TNRC18: variants seen among roughly 807,000 people sequenced by gnomAD.
TNRC18 encodes trinucleotide repeat containing 18.
A neutral mutation model predicts 226.7 loss-of-function variants in TNRC18; 69 were observed. That is an observed-to-expected ratio of 0.30 (90% CI 0.25 to 0.37). The LOEUF is 0.37. TNRC18 is among the 10% of genes least tolerant of loss of function. TNRC18 has a pLI of 1.00. For missense variants in TNRC18, 4,754 were observed against 4,256.6 expected (o/e 1.12, Z -3.25); for synonymous variants, 2,449 against 1,927.6 (o/e 1.27, Z -7.09).
intron 17 of TNRC18, among the ~76,000 whole-genome samples, chr7:5,349,684 A>G (rs925000515): frequency 2.0e-5 from 3 of 152,216 alleles, no homozygotes; most frequent in Admixed American, 1.3e-4. Context: ...TTGCGTCCAG[A>G]GTGCAGCGTG....
rs1788650021 is a variant in TNRC18 at position 5,324,096 on chromosome 7, T to A, written c.6442+118A>T. The stretch of plus-strand genomic sequence containing the variant: ...AACTCAGCCTCAGGATCTCTGCTCC[T>A]GTGGTTCCCTGCCCCCAGCTAGCCC... On this transcript the variant is annotated intron_variant, in intron 21 of 29. Coordinates refer to ENST00000430969, the MANE Select transcript of TNRC18 (RefSeq NM_001080495.3). This position sits in a 1 kb window ranked among gnomAD's most constrained non-coding sequence, Gnocchi z 4.8. 1.7e-6 allele frequency: 2 copies of A among 1,169,572 alleles called. No homozygotes were observed. The highest frequency in any genetic ancestry group is 1.5e-5 in the African/African-American group (1 of 64,792). 72.4% of individuals were successfully genotyped at this position (1,169,572 alleles called of 1,614,324 possible). A position where few individuals can be genotyped will look rare whatever the true frequency, so the allele number is the denominator to read the frequency against.
chr7:5,344,819 C>T (rs778258840), intron 18 of TNRC18, among the ~76,000 whole-genome samples: 11 of 152,128 alleles, frequency 7.2e-5, no homozygotes, highest in African/African-American at 1.9e-4. Context: ...GCACTCAGCC[C>T]GGTGAGAACA....
At chr7:5,325,075 C>T (rs1441585297) in intron 20 of TNRC18, 21 bp downstream of exon 20, 2 of 1,549,256 alleles carry the variant, frequency 1.3e-6, no homozygotes, top group Non-Finnish European at 1.7e-6. Context: ...CAGCCCCCAA[C>T]CAGGGCACGG....
At chr7:5,381,377 GT>G in intron 5 of TNRC18, among the ~76,000 whole-genome samples, 1 of 152,092 alleles carries the variant, frequency 6.6e-6, no homozygotes, top group South Asian at 2.1e-4. Context: ...TGTCACACTT[GT>G]CCCCTTCCCC....
chr7:5,364,620 A>G (rs931579358), intron 11 of TNRC18, among the ~76,000 whole-genome samples: 5 of 151,870 alleles, frequency 3.3e-5, no homozygotes, highest in African/African-American at 1.2e-4. Context: ...CCTAGCCAAC[A>G]TGGTAAAACC....
At position 5,315,960 on chromosome 7, in the gene TNRC18, T is replaced by C; in HGVS notation, c.6858A>G (p.Ile2286Met). The C allele has an allele frequency of 2.5e-6, 4 of 1,586,650 alleles. No individual in the cohort carries two copies. Among genetic ancestry groups the C allele is most frequent in the Non-Finnish European group, 3.4e-6 (4 of 1,168,564 alleles). ...HIRLLPPDYK[I>M]QCAEPSPALL... ...TGTCATGAGCTTGTCACTTACACTGTATCTTATAGTCAGGGGGCAGGAGGC... is the reference window on the plus strand; with the variant it reads ...TGTCATGAGCTTGTCACTTACACTGCATCTTATAGTCAGGGGGCAGGAGGC... Residue 2286 changes from isoleucine to methionine, a missense_variant, in exon 25 of 30, where the codon ATA becomes ATG. Transcript: ENST00000430969.
At chr7:5,362,869 C>A (rs1487967871) in intron 11 of TNRC18, 44 bp from the exon 12 acceptor site, 7 of 1,453,328 alleles carry the variant, frequency 4.8e-6, no homozygotes, top group Non-Finnish European at 5.4e-6. Flanking sequence ...GCCACCCCTT[C>A]CCCAACCCCA....
At chr7:5,395,937 C>G (rs1780649410) in intron 2 of TNRC18, among the ~76,000 whole-genome samples, 3 of 148,574 alleles carry the variant, frequency 2.0e-5, no homozygotes, top group Middle Eastern at 3.6e-3. Flanking sequence ...GCGGAGGTTG[C>G]AGTGAGCTGA....
In TNRC18 at chr7:5,374,291, G is replaced by A. The variant is rs1794427329; in HGVS notation, c.2993C>T (p.Ala998Val). ...KAVSPPPSPR[A>V]SPVAALKAKV... ...GGCCTTCAGGGCAGCCACAGGGGAT[G>A]CGCGGGGTGATGGTGGCGGGCTCAC... Residue 998 changes from alanine to valine, a missense_variant, in exon 10 of 30, where the codon GCA (alanine) becomes GTA (valine). Coordinates refer to ENST00000430969, the MANE Select transcript of TNRC18 (RefSeq NM_001080495.3). 6.8e-7 allele frequency: 1 copy of A among 1,466,596 alleles called. No homozygotes were observed. Among genetic ancestry groups the A allele is most frequent in the Non-Finnish European group, 9.0e-7 (1 of 1,112,008 alleles). The allele number at this position is 1,466,596 out of a possible 1,614,324, so 90.8% of individuals were successfully genotyped here. A position where few individuals can be genotyped will look rare whatever the true frequency, so the allele number is the denominator to read the frequency against.
chr7:5,402,990 G>A (rs1403402079), intron 2 of TNRC18, among the ~76,000 whole-genome samples: 6 of 151,980 alleles, frequency 3.9e-5, no homozygotes, highest in Non-Finnish European at 7.4e-5. Context: ...TGTCAACGGG[G>A]AGAGGGATTG....
intron 18 of TNRC18, 45 bp downstream of exon 18, chr7:5,345,517 G>GGGGCGGCCCCCC: frequency 2.6e-6 from 1 of 377,744 alleles, no homozygotes; most frequent in Non-Finnish European, 4.8e-6. Context: ...AATGGCGTCC[G>GGGGCGGCCCCCC]CCCCTCCCAC....
intron 1 of TNRC18, among the ~76,000 whole-genome samples, chr7:5,422,100 C>A (rs1029578772): frequency 3.3e-5 from 5 of 152,118 alleles, no homozygotes; most frequent in Non-Finnish European, 7.4e-5. Context: ...TGGTCCCCCC[C>A]CTTTCTCCCC....
intron 2 of TNRC18, among the ~76,000 whole-genome samples, chr7:5,417,775 C>T (rs1421516927): frequency 6.6e-6 from 1 of 152,166 alleles, no homozygotes; most frequent in Non-Finnish European, 1.5e-5. Context: ...CCTCCCTTGT[C>T]GCCTCTAACC....
chr7:5,323,568 G>GTTTTTTT (rs1554272402), intron 21 of TNRC18, among the ~76,000 whole-genome samples: 5,603 of 122,094 alleles, frequency 0.046, 623 homozygotes, highest in African/African-American at 0.15. Context: ...GCACCAGACA[G>GTTTTTTT]TTTTTTTTTT....
In TNRC18 at chr7:5,377,335, TC is replaced by T; in HGVS notation, c.2461+35del. On this transcript the variant is annotated intron_variant, in intron 7 of 29. Coordinates refer to ENST00000430969, the MANE Select transcript of TNRC18 (RefSeq NM_001080495.3). The surrounding 1 kb of genome is among the most constrained non-coding windows in gnomAD (Gnocchi z 5.8). Reference sequence around the variant, plus strand: ...GCACCCGCCCCCTCCCACCCCTCCCTCAGAGAAGGGGAGAGACCCTGTGCCC... The same window carrying T: ...GCACCCGCCCCCTCCCACCCCTCCCTAGAGAAGGGGAGAGACCCTGTGCCC... 1.8e-6 allele frequency: 1 copy of T among 542,950 alleles called. No homozygotes were observed. The allele number at this position is 542,950 out of a possible 1,614,324, so 33.6% of individuals were successfully genotyped here.
chr7:5,408,322 C>T (rs1038496401), intron 2 of TNRC18, among the ~76,000 whole-genome samples: 1 of 147,126 alleles, frequency 6.8e-6, no homozygotes, highest in African/African-American at 2.5e-5. Flanking sequence ...AAAAATGGAA[C>T]GAAAGCAAAA....
chr7:5,348,658 G>C (rs998009444), intron 17 of TNRC18, among the ~76,000 whole-genome samples: 25 of 152,022 alleles, frequency 1.6e-4, no homozygotes, highest in Non-Finnish European at 3.5e-4. Context: ...GAGGGAGGGA[G>C]GGAGGGAGGG....
rs12533110 is a variant in TNRC18, at chr7:5,394,918, G to A, written c.188-323C>T. On this transcript the variant is annotated intron_variant, in intron 2 of 29. Transcript: ENST00000430969. The surrounding 1 kb of genome is among the most constrained non-coding windows in gnomAD (Gnocchi z 4.5). ...CTGCCGCCCAACCAGCCCAGATCCG[G>A]CCCGGCACCATTCTCCCCATCTGCA... Among the ~76,000 whole-genome samples, 53,632 of 152,018 alleles carry A rather than the reference G, an allele frequency of 0.35. 11,153 individuals carry two copies. Among genetic ancestry groups the A allele is most frequent in the Non-Finnish European group, 0.46 (31,578 of 67,920 alleles).
At chr7:5,362,057 G>C (rs759575154) in intron 12 of TNRC18, 24 bp from the exon 13 acceptor site, 1 of 1,609,538 alleles carries the variant, frequency 6.2e-7, no homozygotes, top group Non-Finnish European at 8.5e-7. Context: ...CGGGAGAGGA[G>C]GAGGGGGTGA....
Sources: gnomAD v4.1 joint callset for allele counts (sites outside exome capture counted in the v4.1 genomes callset) on GRCh38, gnomAD v4.1.1 for gene constraint, Gnocchi (gnomAD v3.1) non-coding constraint, MANE v1.5 for transcripts, NCBI Gene and HGNC (gene_info 2026-07-23, HGNC 2026-07-21) for gene names.